The following APBB2 variants were observed in gnomAD, a reference collection of about 807,000 sequenced individuals.
APBB2 encodes amyloid beta precursor protein binding family B member 2.
A neutral mutation model predicts 82.5 loss-of-function variants in APBB2; 38 were observed. The observed-to-expected ratio is 0.46, with a 90% CI of 0.36 to 0.60. APBB2 has a LOEUF of 0.60. Among genes scored for constraint, APBB2 ranks in the 20% least tolerant of loss-of-function variants. The pLI, the probability that APBB2 is intolerant of heterozygous loss-of-function variation, is 0.00. For synonymous variants in APBB2, 341 were observed against 368.2 expected (o/e 0.93, Z 0.85); for missense variants, 772 against 972.3 (o/e 0.79, Z 2.74).
intron 10 of APBB2, among the ~76,000 whole-genome samples, chr4:40,923,648 C>T (rs1456210255): frequency 3.3e-5 from 5 of 152,364 alleles, no homozygotes; most frequent in Admixed American, 6.5e-5. Flanking sequence ...TGCCCATTTC[C>T]TCACCTGTTT....
At chr4:41,049,944 C>A (rs1245965846) in intron 4 of APBB2, among the ~76,000 whole-genome samples, 1 of 152,080 alleles carries the variant, frequency 6.6e-6, no homozygotes, top group Non-Finnish European at 1.5e-5. Context: ...GTCATCACCA[C>A]TCCCTAATCT....
At chr4:40,916,999 C>T (rs1780013629) in intron 10 of APBB2, among the ~76,000 whole-genome samples, 1 of 152,168 alleles carries the variant, frequency 6.6e-6, no homozygotes, top group African/African-American at 2.4e-5. Flanking sequence ...GCACCGCAGA[C>T]TTCTGCAGGC....
At chr4:41,084,174 C>G (rs1738766516) in intron 3 of APBB2, among the ~76,000 whole-genome samples, 1 of 152,156 alleles carries the variant, frequency 6.6e-6, no homozygotes, top group South Asian at 2.1e-4. Context: ...CCTGTAATCC[C>G]AACACTTCAG....
rs77025453 is a variant in APBB2, at chr4:41,118,789, T to C, written c.-260-18039A>G. On this transcript the variant is annotated intron_variant, in intron 2 of 17. Transcript: ENST00000508593. ...AAAGAGAAAGGGAGGTGAGGGAGTA[T>C]TGAGATACCCTGTACTATCTGCTCA... is the stretch of plus-strand genomic sequence containing the variant. Among the ~76,000 whole-genome samples the C allele has an allele frequency of 2.8e-3, 422 of 152,208 alleles. 2 individuals are homozygous for C. The highest frequency in any genetic ancestry group is 9.8e-3 in the African/African-American group (407 of 41,522).
At chr4:41,078,601 A>C (rs1393117278) in intron 3 of APBB2, among the ~76,000 whole-genome samples, 1 of 152,182 alleles carries the variant, frequency 6.6e-6, no homozygotes. Context: ...CTAAATCTTC[A>C]CACCTCTAGT....
chr4:40,923,177 G>A (rs181784276), intron 10 of APBB2, among the ~76,000 whole-genome samples: 11 of 151,578 alleles, frequency 7.3e-5, no homozygotes, highest in African/African-American at 2.7e-4. Context: ...GGGTTTCACC[G>A]TGTTAGCCAA....
rs540573365 is a variant in APBB2 at position 40,890,177 on chromosome 4, C to T, written c.1529+187G>A. 20 of 701,040 alleles carry T rather than the reference C, an allele frequency of 2.9e-5. No individual in the cohort carries two copies. In the South Asian group the frequency reaches 5.1e-4, roughly 18 times the overall value. 43.4% of individuals were successfully genotyped at this position (701,040 alleles called of 1,614,324 possible). A position where few individuals can be genotyped will look rare whatever the true frequency, so the allele number is the denominator to read the frequency against. On this transcript the variant is annotated intron_variant, in intron 12 of 17. Transcript: ENST00000508593. ...GACAAAAGATTTGAGATACAGAAAC[C>T]AGGAAGGGAAGCAGTTTGAAGTCTT...
intron 1 of APBB2, among the ~76,000 whole-genome samples, chr4:41,203,658 A>C (rs1031726010): frequency 2.6e-5 from 4 of 152,156 alleles, no homozygotes; most frequent in African/African-American, 9.7e-5. Context: ...GAGGGCCCCA[A>C]AGTCTAAGTT....
At chr4:40,867,110 A>C (rs1274749704) in intron 12 of APBB2, among the ~76,000 whole-genome samples, 1 of 152,188 alleles carries the variant, frequency 6.6e-6, no homozygotes, top group Admixed American at 6.5e-5. Context: ...ACCTGCTTTT[A>C]CAAATAAAAG....
At chr4:41,196,287 A>G in intron 1 of APBB2, among the ~76,000 whole-genome samples, 1 of 152,212 alleles carries the variant, frequency 6.6e-6, no homozygotes, top group South Asian at 2.1e-4. Flanking sequence ...TACTGTCTAT[A>G]GTCCTGACAC....
intron 2 of APBB2, among the ~76,000 whole-genome samples, chr4:41,108,434 C>T (rs533823355): frequency 2.6e-5 from 4 of 151,354 alleles, no homozygotes; most frequent in South Asian, 2.1e-4. Flanking sequence ...GGAGGAAGAA[C>T]GTTGAGAAGA....
intron 6 of APBB2, among the ~76,000 whole-genome samples, chr4:41,007,930 A>G (rs1269372366): frequency 1.3e-5 from 2 of 152,222 alleles, no homozygotes; most frequent in Admixed American, 1.3e-4. Context: ...GCAGAAACTT[A>G]GAAACATTTC....
intron 3 of APBB2, among the ~76,000 whole-genome samples, chr4:41,087,037 C>T (rs944539989): frequency 2.6e-5 from 4 of 152,128 alleles, no homozygotes; most frequent in African/African-American, 4.8e-5. Context: ...CTACTCAGGA[C>T]GCTGAGGCGG....
intron 1 of APBB2, among the ~76,000 whole-genome samples, chr4:41,212,966 T>C (rs1475769987): frequency 6.6e-6 from 1 of 152,142 alleles, no homozygotes; most frequent in East Asian, 1.9e-4. Flanking sequence ...CCTAAGTTCA[T>C]GAAGAAATCC....
At position 41,022,466 on chromosome 4, in the gene APBB2, A is replaced by T. The variant is rs149839127; in HGVS notation, c.20-8068T>A. Reference sequence around the variant, plus strand: ...CTTCCTTGTCCCTCCACACACTCTCAGTACCCTTCCTTCCCTCCAGCAAAT... The same window carrying T: ...CTTCCTTGTCCCTCCACACACTCTCTGTACCCTTCCTTCCCTCCAGCAAAT... On this transcript the variant is annotated intron_variant, in intron 5 of 17. Transcript: ENST00000508593. Among the ~76,000 whole-genome samples the T allele has an allele frequency of 2.0e-3, 302 of 152,272 alleles. 1 individual carries two copies. The highest frequency in any genetic ancestry group is 6.8e-3 in the African/African-American group (283 of 41,528).
chr4:40,824,291 C>T (rs1749097250), intron 15 of APBB2, among the ~76,000 whole-genome samples: 1 of 152,202 alleles, frequency 6.6e-6, no homozygotes, highest in Non-Finnish European at 1.5e-5. Context: ...CCTCTCTCCA[C>T]CCTCACTGTC....
Position 41,033,286 on chromosome 4 carries a change from A to T in APBB2, c.-32T>A. On this transcript the variant is annotated 5_prime_UTR_variant, in exon 5 of 18. An upstream open reading frame in the 5' UTR gains an earlier in-frame stop. Transcript: ENST00000508593. ...CCAGGCGTCAGCAATGGTGCAGGAA[A>T]TAGGTTATAATTTGAAATCTAAAAA... is the stretch of plus-strand genomic sequence containing the variant. 1.3e-6 allele frequency: 2 copies of T among 1,587,592 alleles called. No homozygotes were observed. The highest frequency in any genetic ancestry group is 1.7e-6 in the Non-Finnish European group (2 of 1,166,322).
At chr4:41,173,457 T>C (rs183083001) in intron 1 of APBB2, among the ~76,000 whole-genome samples, 1 of 152,226 alleles carries the variant, frequency 6.6e-6, no homozygotes, top group African/African-American at 2.4e-5. Flanking sequence ...ACTGGAGAAT[T>C]CAAGAGTGTG....
chr4:40,913,691 T>G (rs1430577760), intron 10 of APBB2, among the ~76,000 whole-genome samples: 1 of 152,222 alleles, frequency 6.6e-6, no homozygotes, highest in Non-Finnish European at 1.5e-5. Context: ...TCCCCTATCT[T>G]GTTTCAGTTC....
Sources: allele counts gnomAD v4.1 joint callset (sites outside exome capture counted in the v4.1 genomes callset), GRCh38; gene constraint gnomAD v4.1.1; transcripts MANE v1.5; gene names NCBI Gene and HGNC (gene_info 2026-07-23, HGNC 2026-07-21).